The following OTOGL variants were observed in gnomAD, a reference collection of about 807,000 sequenced individuals.
OTOGL encodes the protein otogelin-like protein.
OTOGL carries 285 observed loss-of-function variants against 318.5 expected under a neutral mutation model. That is an observed-to-expected ratio of 0.89 (90% confidence interval 0.81 to 0.99). The LOEUF is 0.99. Among genes scored for constraint, OTOGL ranks in the 50% least tolerant of loss-of-function variants. The pLI is 0.00. For synonymous variants in OTOGL, 987 were observed against 936.5 expected, an observed-to-expected ratio of 1.05 and a Z score of -0.99; for missense variants, 2,899 against 2,845.6, an observed-to-expected ratio of 1.02 and a Z score of -0.43.
chr12:80,194,792 C>T lies in OTOGL; in HGVS notation c.-19-14621C>T, dbSNP rs139080411. On this transcript the variant is annotated intron_variant, in intron 1 of 58. Transcript: ENST00000547103. Reference sequence around the variant, plus strand: ...ATTAAAATTTAAAAAAATAAACTTTCGCTTGTTTTCCTATTAGAAATCAGA... The same window carrying T: ...ATTAAAATTTAAAAAAATAAACTTTTGCTTGTTTTCCTATTAGAAATCAGA... 5.9e-4 allele frequency among the ~76,000 whole-genome samples: 90 copies of T among 152,138 alleles called. No individual in the cohort carries two copies. In the East Asian group the frequency reaches 0.013, roughly 22 times the overall value.
chr12:80,284,456 T>C (rs2137648332), intron 26 of OTOGL, among the ~76,000 whole-genome samples: 1 of 152,336 alleles, frequency 6.6e-6, no homozygotes, highest in South Asian at 2.1e-4. Context: ...ATTGCTACAC[T>C]GTCTTCCACA....
At position 80,352,428 on chromosome 12, in the gene OTOGL, A is replaced by G; in HGVS notation, c.5399A>G (p.Asp1800Gly). 6.3e-7 allele frequency: 1 copy of G among 1,585,870 alleles called. No homozygotes were observed. Among genetic ancestry groups the G allele is most frequent in the Non-Finnish European group, 8.5e-7 (1 of 1,171,528 alleles). Residue 1800 changes from aspartate to glycine, a missense_variant, in exon 45 of 59, where the codon GAT (aspartate) becomes GGT (glycine). Around this residue, in one of 3 missense-constraint regions of OTOGL, gnomAD observed 2,607 missense variants for 2,524.9 expected, o/e 1.03. Coordinates refer to ENST00000547103, the MANE Select transcript of OTOGL (RefSeq NM_001378609.3). ...ATCTGTATTCAGTGGAGAACACCTG[A>G]TTACTGCTGTGAGTAACTGTTAACT... ...FDICIQWRTP[D>G]YCSLSCPEGK...
At chr12:80,217,376 T>C (rs1877839493) in intron 4 of OTOGL, among the ~76,000 whole-genome samples, 1 of 152,288 alleles carries the variant, frequency 6.6e-6, no homozygotes, top group African/African-American at 2.4e-5. Context: ...GTCAAAGTCA[T>C]GTAAGAGGCA....
At chr12:80,239,697 G>T (rs1880202966) in intron 11 of OTOGL, among the ~76,000 whole-genome samples, 1 of 151,924 alleles carries the variant, frequency 6.6e-6, no homozygotes, top group African/African-American at 2.4e-5. Flanking sequence ...AAGGGAATTG[G>T]GTACCTGTCA....
At chr12:80,235,238 G>A (rs886501812) in intron 9 of OTOGL, among the ~76,000 whole-genome samples, 4 of 152,068 alleles carry the variant, frequency 2.6e-5, no homozygotes, top group African/African-American at 7.2e-5. Flanking sequence ...GCCGAGGCAG[G>A]TGGATCACCT....
chr12:80,124,816 C>T (rs1485479573), intron 1 of OTOGL, among the ~76,000 whole-genome samples: 2 of 152,082 alleles, frequency 1.3e-5, no homozygotes, highest in African/African-American at 4.8e-5. Flanking sequence ...AATGGGAGTT[C>T]ACTCATGATT....
chr12:80,265,363 A>C (rs1375490092), intron 20 of OTOGL, 153 bp downstream of exon 20: 3 of 839,046 alleles, frequency 3.6e-6, no homozygotes, highest in Non-Finnish European at 5.4e-6. Context: ...AAGCAAATGA[A>C]ATAATATCTT....
chr12:80,183,973 C>T (rs1875109320), intron 1 of OTOGL, among the ~76,000 whole-genome samples: 1 of 152,084 alleles, frequency 6.6e-6, no homozygotes, highest in Non-Finnish European at 1.5e-5. Context: ...TTTATAGAAA[C>T]TCTTTATGGG....
Position 80,370,609 on chromosome 12 carries a change from T to C in OTOGL, c.6655T>C (p.Cys2219Arg). Residue 2219 changes from cysteine (C) to arginine (R), a missense_variant, in exon 56 of 59, where the codon TGT (cysteine) becomes CGT (arginine). By Grantham distance (180) the Cys-to-Arg change is radical. Coordinates refer to ENST00000547103, the MANE Select transcript of OTOGL (RefSeq NM_001378609.3). ...TWHYNCTTYE[C>R]VKTDEGAIIL... ...GCACTACAATTGCACCACATATGAATGTGTTAAAACTGATGAAGGAGCAAT... is the reference window on the plus strand; with the variant it reads ...GCACTACAATTGCACCACATATGAACGTGTTAAAACTGATGAAGGAGCAAT... The C allele has an allele frequency of 6.3e-7, 1 of 1,579,752 alleles. No individual in the cohort carries two copies. The highest frequency in any genetic ancestry group is 8.6e-7 in the Non-Finnish European group (1 of 1,161,660).
At chr12:80,341,884 A>T (rs2137941940) in intron 43 of OTOGL, 64 bp from the exon 44 acceptor site, 1 of 1,065,738 alleles carries the variant, frequency 9.4e-7, no homozygotes, top group East Asian at 2.6e-5. Flanking sequence ...TATTTAACTG[A>T]TTTAGTTGTG....
chr12:80,230,907 T>C (rs1025034530), intron 8 of OTOGL, among the ~76,000 whole-genome samples: 1 of 152,232 alleles, frequency 6.6e-6, no homozygotes, highest in African/African-American at 2.4e-5. Context: ...CTAGGTTGCA[T>C]GCTTTTCTTT....
intron 31 of OTOGL, among the ~76,000 whole-genome samples, 197 bp downstream of exon 31, chr12:80,313,829 A>G (rs553956026): frequency 2.6e-5 from 4 of 152,256 alleles, no homozygotes; most frequent in African/African-American, 9.6e-5. Context: ...GTGAGATAAT[A>G]TTTTGTTCTG....
chr12:80,204,910 G>A (rs1219388354), intron 1 of OTOGL, among the ~76,000 whole-genome samples: 1 of 152,038 alleles, frequency 6.6e-6, no homozygotes, highest in Non-Finnish European at 1.5e-5. Context: ...TTTTGGAGGG[G>A]AACATACTCA....
chr12:80,128,199 G>C (rs1052917876), intron 1 of OTOGL, among the ~76,000 whole-genome samples: 1 of 152,186 alleles, frequency 6.6e-6, no homozygotes, highest in Non-Finnish European at 1.5e-5. Context: ...TGATGATGGT[G>C]ATGTACAGAT....
Position 80,332,986 on chromosome 12 carries a change from A to G in OTOGL, c.4349-19A>G, listed in dbSNP as rs1888170172. On this transcript the variant is annotated intron_variant, in intron 37 of 58. Transcript: ENST00000547103. ...TAAATGCATTCCACTAATGAGGATT[A>G]CTTTTTCATTTCTGACAGTTTGGGA... The G allele has an allele frequency of 1.9e-6, 3 of 1,560,276 alleles. No individual in the cohort carries two copies. Among genetic ancestry groups the G allele is most frequent in the Non-Finnish European group, 2.6e-6 (3 of 1,144,378 alleles).
intron 1 of OTOGL, among the ~76,000 whole-genome samples, chr12:80,147,918 C>T (rs1338401563): frequency 6.6e-6 from 1 of 152,058 alleles, no homozygotes; most frequent in East Asian, 1.9e-4. Flanking sequence ...GTAGATCTTC[C>T]TCCATCCTTT....
intron 1 of OTOGL, among the ~76,000 whole-genome samples, chr12:80,158,657 G>T (rs919588425): frequency 2.0e-5 from 3 of 151,976 alleles, no homozygotes; most frequent in Admixed American, 6.6e-5. Flanking sequence ...GTATTGCAGA[G>T]CTGCTGATTT....
At chr12:80,290,836 G>A (rs76696280) in intron 26 of OTOGL, among the ~76,000 whole-genome samples, 1,942 of 152,240 alleles carry the variant, frequency 0.013, 39 homozygotes, top group African/African-American at 0.044. Context: ...AAGCATGCCA[G>A]TAAAGACATA....
Position 80,270,044 on chromosome 12 carries a change from G to GA in OTOGL, c.2466-58_2466-57insA, listed in dbSNP as rs1883285248. On this transcript the variant is annotated intron_variant, in intron 22 of 58. Transcript: ENST00000547103. ...ACGTTAGATTGTTGTCGAAATTCAGGGAAAAAAAAAAAAACAACAGATTTG... is the reference window on the plus strand; with the variant it reads ...ACGTTAGATTGTTGTCGAAATTCAGGAGAAAAAAAAAAAAACAACAGATTTG... 9.2e-4 allele frequency: 1,068 copies of GA among 1,155,484 alleles called. No individual in the cohort carries two copies. In the African/African-American group the frequency reaches 0.022, roughly 24 times the overall value. The allele number at this position is 1,155,484 out of a possible 1,614,324, so 71.6% of individuals were successfully genotyped here. A position where few individuals can be genotyped will look rare whatever the true frequency, so the allele number is the denominator to read the frequency against.
Sources: gnomAD v4.1 joint callset for allele counts (sites outside exome capture counted in the v4.1 genomes callset) on GRCh38, gnomAD v4.1.1 for gene constraint, gnomAD v4.1.1 regional missense constraint, MANE v1.5 for transcripts, NCBI Gene and HGNC (gene_info 2026-07-23, HGNC 2026-07-21) for gene names.